FLNB: variants seen among roughly 807,000 people sequenced by gnomAD.
FLNB encodes the protein filamin-B.
In FLNB, 111 loss-of-function variants were observed where a neutral mutation model predicts 250.6. The observed-to-expected ratio is 0.44, with a 90% CI of 0.38 to 0.52. The LOEUF (loss-of-function observed/expected upper bound fraction) is 0.52. Ranked by LOEUF, FLNB falls within the 20% of genes least tolerant of loss-of-function variation. The pLI, the probability that FLNB is intolerant of heterozygous loss-of-function variation, is 0.00. For missense variants in FLNB, 2,869 were observed against 3,447.8 expected, an observed-to-expected ratio of 0.83 and a Z score of 4.20; for synonymous variants, 1,302 against 1,372.1, an observed-to-expected ratio of 0.95 and a Z score of 1.13.
intron 34 of FLNB, 48 bp from the exon 35 acceptor site, chr3:58,148,158 C>T: frequency 3.1e-6 from 5 of 1,602,360 alleles, no homozygotes; most frequent in Non-Finnish European, 4.3e-6. Context: ...TCTGTGAAGC[C>T]AGGGTAACCA....
At chr3:58,075,128 G>A (rs1404888639) in intron 1 of FLNB, among the ~76,000 whole-genome samples, 1 of 152,034 alleles carries the variant, frequency 6.6e-6, no homozygotes. Context: ...ATCAGCATGT[G>A]AGTATGCTTT....
intron 1 of FLNB, among the ~76,000 whole-genome samples, chr3:58,048,559 T>C (rs988297850): frequency 2.0e-5 from 3 of 152,236 alleles, no homozygotes; most frequent in African/African-American, 7.2e-5. Flanking sequence ...CAGTTTGTCC[T>C]GTTACTTCGT....
intron 40 of FLNB, 21 bp from the exon 41 acceptor site, chr3:58,155,938 TG>T: frequency 6.5e-7 from 1 of 1,539,414 alleles, no homozygotes; most frequent in Non-Finnish European, 9.0e-7. Flanking sequence ...TCTGAAATGA[TG>T]GGACTTTCCT....
chr3:58,152,652 C>A, intron 38 of FLNB: 3 of 751,622 alleles, frequency 4.0e-6, no homozygotes, highest in South Asian at 1.8e-5. Context: ...CACAAACATT[C>A]AGTTCATTAC....
chr3:58,072,400 T>A (rs529335363), intron 1 of FLNB, among the ~76,000 whole-genome samples: 1 of 152,344 alleles, frequency 6.6e-6, no homozygotes, highest in Non-Finnish European at 1.5e-5. Context: ...GGCTTCCGGC[T>A]CATCTGGCCT....
Position 58,123,510 on chromosome 3 carries a change from A to AG in FLNB, c.3544_3545insG (p.Ile1182SerfsTer73). 6.2e-7 allele frequency: 1 copy of AG among 1,605,826 alleles called. No individual in the cohort carries two copies. Among genetic ancestry groups the AG allele is most frequent in the Non-Finnish European group, 8.5e-7 (1 of 1,175,382 alleles). On this transcript the variant is annotated frameshift_variant, in exon 21 of 46. Coordinates refer to ENST00000295956, the MANE Select transcript of FLNB (RefSeq NM_001457.4). LOFTEE classifies it high-confidence loss of function. ...CTCGGGAACAAAAGCCGAAGTCAGTATTCAGAACAACAAAGATGGCACCTA... is the reference window on the plus strand; with the variant it reads ...CTCGGGAACAAAAGCCGAAGTCAGTAGTTCAGAACAACAAAGATGGCACCTA...
rs563954778 is a variant in FLNB at position 58,016,442 on chromosome 3, G to A, written c.292+7586G>A. ...GTTGCTCCAGTCATTCCTATTAGCAGAAAGTTTTGTATGTGCCCCTTCCTC... is the reference window on the plus strand; with the variant it reads ...GTTGCTCCAGTCATTCCTATTAGCAAAAAGTTTTGTATGTGCCCCTTCCTC... On this transcript the variant is annotated intron_variant, in intron 1 of 45. Coordinates refer to ENST00000295956, the MANE Select transcript of FLNB (RefSeq NM_001457.4). 7.9e-5 allele frequency among the ~76,000 whole-genome samples: 11 copies of A among 138,588 alleles called. No homozygotes were observed. In the Middle Eastern group the frequency reaches 0.013, roughly 160 times the overall value. 90.9% of individuals were successfully genotyped at this position (138,588 alleles called of 152,430 possible).
intron 1 of FLNB, among the ~76,000 whole-genome samples, chr3:58,047,794 C>T (rs1376257678): frequency 6.6e-6 from 1 of 151,906 alleles, no homozygotes; most frequent in Non-Finnish European, 1.5e-5. Flanking sequence ...GAACTATTGA[C>T]CTCAAGTGAT....
intron 1 of FLNB, among the ~76,000 whole-genome samples, chr3:58,037,687 C>G (rs1056917340): frequency 1.3e-5 from 2 of 152,210 alleles, no homozygotes; most frequent in Admixed American, 1.3e-4. Context: ...TGGCCCTCCA[C>G]CAGACCAGCC....
intron 8 of FLNB, among the ~76,000 whole-genome samples, chr3:58,100,950 GT>G (rs1267560019): frequency 6.6e-6 from 1 of 151,922 alleles, no homozygotes; most frequent in Admixed American, 6.6e-5. Context: ...GTCCAGACTG[GT>G]CTTAAACCCC....
intron 1 of FLNB, among the ~76,000 whole-genome samples, chr3:58,041,914 GCT>G (rs2097146611): frequency 6.6e-6 from 1 of 152,192 alleles, no homozygotes; most frequent in African/African-American, 2.4e-5. Flanking sequence ...TCCTCATCCA[GCT>G]GTCTTGCCCC....
Position 58,169,906 on chromosome 3 carries a change from AGCCGTTTG to A in FLNB, c.7621+114_7621+121del. 2 of 724,370 alleles carry A rather than the reference AGCCGTTTG, an allele frequency of 2.8e-6. No homozygotes were observed. Among genetic ancestry groups the A allele is most frequent in the South Asian group, 3.6e-5 (2 of 55,796 alleles). 44.9% of individuals were successfully genotyped at this position (724,370 alleles called of 1,614,324 possible). A position where few individuals can be genotyped will look rare whatever the true frequency, so the allele number is the denominator to read the frequency against. ...TGCAGTGCCCACCCCCATGTAGGCC[AGCCGTTTG>A]CAAGTAACCATCGTCATGACCCTGT... On this transcript the variant is annotated intron_variant, in intron 45 of 45. Transcript: ENST00000295956. This position sits in a 1 kb window ranked among gnomAD's most constrained non-coding sequence, Gnocchi z 4.8.
chr3:58,114,268 G>C (rs957346464), intron 18 of FLNB, among the ~76,000 whole-genome samples: 13 of 152,082 alleles, frequency 8.5e-5, no homozygotes, highest in Admixed American at 8.5e-4. Flanking sequence ...ACCATGCCCA[G>C]CTAATTTTTG....
chr3:58,162,581 T>C (rs1156827324), intron 42 of FLNB: 1 of 153,782 alleles, frequency 6.5e-6, no homozygotes, highest in African/African-American at 2.4e-5. Flanking sequence ...TTTTATTTCT[T>C]GTTATGCCTT....
intron 42 of FLNB, 36 bp downstream of exon 42, chr3:58,159,722 G>A: frequency 6.2e-7 from 1 of 1,607,160 alleles, no homozygotes; most frequent in Non-Finnish European, 8.5e-7. Context: ...CCCAGCACCA[G>A]CACTTTCCAG....
At position 58,121,089 on chromosome 3, in the gene FLNB, C is replaced by T; in HGVS notation, c.2864-152C>T. 2 of 928,996 alleles carry T rather than the reference C, an allele frequency of 2.2e-6. 1 individual carries two copies. 57.5% of individuals were successfully genotyped at this position (928,996 alleles called of 1,614,324 possible). ...GGCTGAGATGCTGATGATACTTACT[C>T]AGCTTTGCTGCTTGTCCTCTGCAGC... On this transcript the variant is annotated intron_variant, in intron 19 of 45. Coordinates refer to ENST00000295956, the MANE Select transcript of FLNB (RefSeq NM_001457.4).
At chr3:58,163,375 C>A (rs1388714447) in intron 43 of FLNB, 45 bp downstream of exon 43, 2 of 1,592,812 alleles carry the variant, frequency 1.3e-6, no homozygotes, top group Non-Finnish European at 1.7e-6. Flanking sequence ...GAACCAGCTC[C>A]AGGGACCAAG....
At chr3:58,016,702 T>G (rs150095179) in intron 1 of FLNB, among the ~76,000 whole-genome samples, 89 of 152,276 alleles carry the variant, frequency 5.8e-4, no homozygotes, top group African/African-American at 2.0e-3. Context: ...AGTTTTTTTC[T>G]TTTTTCCATA....
intron 40 of FLNB, 123 bp from the exon 41 acceptor site, chr3:58,155,837 C>T (rs1478148149): frequency 5.7e-6 from 4 of 707,776 alleles, no homozygotes; most frequent in Non-Finnish European, 1.0e-5. Flanking sequence ...CCCACTCAAC[C>T]AATCAGCTGT....
Sources: allele counts gnomAD v4.1 joint callset (sites outside exome capture counted in the v4.1 genomes callset), GRCh38; gene constraint gnomAD v4.1.1; non-coding constraint Gnocchi (gnomAD v3.1); transcripts MANE v1.5; gene names NCBI Gene and HGNC (gene_info 2026-07-23, HGNC 2026-07-21).